The following BMPR1B variants were observed in gnomAD, a reference collection of about 807,000 sequenced individuals.
The protein encoded by BMPR1B is bone morphogenetic protein receptor type 1B, also known as bone morphogenetic protein receptor type-1B.
Under a neutral mutation model 59.1 loss-of-function variants are expected in BMPR1B, and 12 were observed. The ratio of observed to expected loss-of-function variants is 0.20; its 90% CI spans 0.13 to 0.33. The LOEUF (loss-of-function observed/expected upper bound fraction) is 0.33, where lower values mean the gene tolerates loss of function less well. BMPR1B is among the 10% of genes least tolerant of loss of function. BMPR1B has a pLI of 1.00. For synonymous variants in BMPR1B, 237 were observed against 207.3 expected (o/e 1.14, Z -1.23); for missense variants, 550 against 610.9 (o/e 0.90, Z 1.05).
chr4:94,972,089 A>C (rs1730812723), intron 2 of BMPR1B, among the ~76,000 whole-genome samples: 1 of 151,706 alleles, frequency 6.6e-6, no homozygotes, highest in Non-Finnish European at 1.5e-5. Context: ...TATAGTATGT[A>C]CAAAATTCTT....
At chr4:95,029,925 T>C (rs924587792) in intron 3 of BMPR1B, among the ~76,000 whole-genome samples, 33 of 152,192 alleles carry the variant, frequency 2.2e-4, no homozygotes, top group African/African-American at 7.7e-4. Context: ...TTTTGAGAAG[T>C]GTCTGTTCAT....
At chr4:95,099,963 G>A (rs983602131) in intron 3 of BMPR1B, among the ~76,000 whole-genome samples, 3 of 152,044 alleles carry the variant, frequency 2.0e-5, no homozygotes, top group Admixed American at 6.6e-5. Flanking sequence ...TTACAAATGC[G>A]TTTCCAAACT....
chr4:95,088,324 C>A (rs1213579171), intron 3 of BMPR1B, among the ~76,000 whole-genome samples: 2 of 152,138 alleles, frequency 1.3e-5, no homozygotes, highest in African/African-American at 2.4e-5. Context: ...AGCCACTGAA[C>A]TCCACAGAGA....
intron 3 of BMPR1B, among the ~76,000 whole-genome samples, chr4:95,019,201 T>A (rs1166546974): frequency 5.3e-5 from 8 of 152,182 alleles, no homozygotes; most frequent in Non-Finnish European, 1.2e-4. Flanking sequence ...TATAACTTTA[T>A]CCAGAGAACT....
chr4:95,091,615 A>G (rs531404845), intron 3 of BMPR1B: 275 of 985,082 alleles, frequency 2.8e-4, no homozygotes, highest in Non-Finnish European at 3.1e-4. Context: ...TATCAAGCGT[A>G]CAGAAATCAA....
At position 94,874,689 on chromosome 4, in the gene BMPR1B, T is replaced by TAA. The variant is rs545522783; in HGVS notation, c.-182-1139_-182-1138dup. ...CAAAGTCAGTTTATATATTTACTCT[T>TAA]AAAATCTGTGGCTATTGGCCGGGTG... On this transcript the variant is annotated intron_variant, in intron 1 of 12. Coordinates refer to ENST00000515059, the MANE Select transcript of BMPR1B (RefSeq NM_001203.3). Among the ~76,000 whole-genome samples the TAA allele has an allele frequency of 8.5e-5, 13 of 152,204 alleles. No homozygotes were observed. The South Asian group carries it at 2.7e-3, about 32-fold the overall frequency.
chr4:95,037,665 T>C (rs554454820), intron 3 of BMPR1B, among the ~76,000 whole-genome samples: 5 of 152,188 alleles, frequency 3.3e-5, no homozygotes, highest in African/African-American at 1.2e-4. Context: ...TTGTTGACCT[T>C]TGGAAGAAGA....
chr4:94,880,005 G>A (rs3775006), intron 2 of BMPR1B, among the ~76,000 whole-genome samples: 29,807 of 151,960 alleles, frequency 0.2, 2,979 homozygotes, highest in South Asian at 0.32. Flanking sequence ...AGTGATTATC[G>A]TAACAAAATA....
Position 95,148,752 on chromosome 4 carries a change from A to G in BMPR1B, c.1081A>G (p.Thr361Ala), listed in dbSNP as rs1179983257. Residue 361 changes from threonine (T) to alanine (A), a missense_variant, in exon 11 of 13, where the codon ACA (threonine) becomes GCA (alanine). Physicochemically the swap from Thr to Ala is moderately conservative, Grantham distance 58 (BLOSUM62 0). Around this residue, in one of 6 missense-constraint regions of BMPR1B, gnomAD observed 318 missense variants for 284.6 expected, o/e 1.12. Transcript: ENST00000515059. ...LGLAVKFISD[T>A]NEVDIPPNTR... ...TTTGCTTTACTTTTTCCTTAGTGAT[A>G]CAAATGAAGTTGACATACCACCTAA... The G allele has an allele frequency of 1.9e-6, 3 of 1,613,766 alleles. No homozygotes were observed. The highest frequency in any genetic ancestry group is 1.1e-5 in the South Asian group (1 of 91,082).
At chr4:94,820,653 CAGTT>C (rs770855226) in intron 1 of BMPR1B, among the ~76,000 whole-genome samples, 12 of 152,124 alleles carry the variant, frequency 7.9e-5, no homozygotes, top group Non-Finnish European at 1.3e-4. Flanking sequence ...ATTCAAAGAG[CAGTT>C]AGTTGTACGT....
Position 95,154,542 on chromosome 4 carries a change from C to T in BMPR1B, c.1384-6C>T, listed in dbSNP as rs750724890. 1.2e-6 allele frequency: 2 copies of T among 1,614,068 alleles called. No individual in the cohort carries two copies. The highest frequency in any genetic ancestry group is 1.7e-5 in the Admixed American group (1 of 60,024). ...GATACATTTTTCTAACATTTCTCTT[C>T]CTCAGTGTCTAAGGCAGATGGGAAA... On this transcript the variant is annotated splice_polypyrimidine_tract_variant and splice_region_variant and intron_variant, in intron 12 of 12. Transcript: ENST00000515059.
intron 3 of BMPR1B, among the ~76,000 whole-genome samples, chr4:95,014,274 ATAT>A (rs1407081209): frequency 2.0e-5 from 3 of 152,198 alleles, no homozygotes; most frequent in Non-Finnish European, 4.4e-5. Flanking sequence ...GATTCAGCAA[ATAT>A]TATCTCAGCA....
At chr4:94,922,606 G>C (rs988439426) in intron 2 of BMPR1B, among the ~76,000 whole-genome samples, 1 of 152,054 alleles carries the variant, frequency 6.6e-6, no homozygotes, top group African/African-American at 2.4e-5. Flanking sequence ...TTCTTCATCA[G>C]TGTGACTTCT....
At chr4:94,949,101 C>T (rs115762351) in intron 2 of BMPR1B, among the ~76,000 whole-genome samples, 1 of 151,982 alleles carries the variant, frequency 6.6e-6, no homozygotes, top group East Asian at 1.9e-4. Context: ...TTAGGTATTT[C>T]TTCTAATGCT....
chr4:95,128,916 T>A, intron 8 of BMPR1B, among the ~76,000 whole-genome samples: 1 of 152,192 alleles, frequency 6.6e-6, no homozygotes, highest in East Asian at 1.9e-4. Flanking sequence ...TTCTAAAGAA[T>A]TCATTCTCTA....
chr4:95,067,737 G>A (rs1231709949), intron 3 of BMPR1B, among the ~76,000 whole-genome samples: 1 of 152,126 alleles, frequency 6.6e-6, no homozygotes, highest in Non-Finnish European at 1.5e-5. Context: ...ATGACTTGAA[G>A]AAACCATTTT....
At chr4:94,872,258 T>C (rs1023222373) in intron 1 of BMPR1B, among the ~76,000 whole-genome samples, 1 of 152,198 alleles carries the variant, frequency 6.6e-6, no homozygotes, top group Admixed American at 6.5e-5. Flanking sequence ...AAAAAAATGA[T>C]AATTTAAATA....
chr4:94,837,824 C>T (rs28884499), intron 1 of BMPR1B, among the ~76,000 whole-genome samples: 32,327 of 142,150 alleles, frequency 0.23, 5,896 homozygotes, highest in African/African-American at 0.27. Context: ...AGAGGGCATC[C>T]CTGTCTTGTG....
intron 1 of BMPR1B, among the ~76,000 whole-genome samples, chr4:94,818,011 G>A (rs1724072180): frequency 6.6e-6 from 1 of 152,148 alleles, no homozygotes; most frequent in Non-Finnish European, 1.5e-5. Context: ...AAACTCTGAA[G>A]GTGGGGTCAA....
Sources: allele counts gnomAD v4.1 joint callset (sites outside exome capture counted in the v4.1 genomes callset), GRCh38; gene constraint gnomAD v4.1.1; regional missense constraint gnomAD v4.1.1; transcripts MANE v1.5; gene names NCBI Gene and HGNC (gene_info 2026-07-23, HGNC 2026-07-21).